Variants in SLIT1 observed in about 807,000 individuals in gnomAD.
SLIT1 encodes slit guidance ligand 1, also known as slit homolog 1 protein.
SLIT1 carries 66 observed loss-of-function variants against 186.1 expected under a neutral mutation model. The ratio of observed to expected loss-of-function variants is 0.35; its 90% CI spans 0.29 to 0.44. The LOEUF (loss-of-function observed/expected upper bound fraction) is 0.44. SLIT1 is among the 20% of genes least tolerant of loss of function. SLIT1 has a pLI of 1.00. For synonymous variants in SLIT1, 761 were observed against 833.8 expected, an observed-to-expected ratio of 0.91 and a Z score of 1.50; for missense variants, 1,638 against 2,037.4, an observed-to-expected ratio of 0.80 and a Z score of 3.77.
intron 21 of SLIT1, 22 bp from the exon 22 acceptor site, chr10:97,037,788 G>T (rs375198193): frequency 1.3e-6 from 2 of 1,588,472 alleles, no homozygotes; most frequent in East Asian, 4.5e-5. Context: ...ACACAGCGGC[G>T]TTAGTGCCCA....
At chr10:97,139,066 T>A (rs1849732348) in intron 4 of SLIT1, among the ~76,000 whole-genome samples, 1 of 152,112 alleles carries the variant, frequency 6.6e-6, no homozygotes, top group Non-Finnish European at 1.5e-5. Flanking sequence ...GTTGGTCGGG[T>A]GAATGAATGC....
At chr10:97,088,430 A>C (rs1849191367) in intron 4 of SLIT1, among the ~76,000 whole-genome samples, 2 of 152,136 alleles carry the variant, frequency 1.3e-5, no homozygotes, top group South Asian at 2.1e-4. Flanking sequence ...TGACAGCCCT[A>C]ATTTCTATGT....
chr10:97,175,576 G>A (rs1850245938), intron 1 of SLIT1, among the ~76,000 whole-genome samples: 1 of 152,118 alleles, frequency 6.6e-6, no homozygotes, highest in Non-Finnish European at 1.5e-5. Flanking sequence ...ATCCGAGTGG[G>A]TGTGAGGTAG....
intron 4 of SLIT1, among the ~76,000 whole-genome samples, chr10:97,147,942 G>C (rs1849835844): frequency 6.6e-6 from 1 of 152,122 alleles, no homozygotes; most frequent in East Asian, 1.9e-4. Context: ...TCGATACCTT[G>C]AAACCCACCT....
In SLIT1 at chr10:97,104,019, C is replaced by G. The variant is rs367753425; in HGVS notation, c.414-37933G>C. Among the ~76,000 whole-genome samples, 268 of 152,214 alleles carry G rather than the reference C, an allele frequency of 1.8e-3. 2 individuals are homozygous for G. Among genetic ancestry groups the G allele is most frequent in the African/African-American group, 5.4e-3 (225 of 41,512 alleles). ...CCTTGTTCCTGCGGCGGGGATACAGCAAGGAACACAGCCCTGCCCCGTGGA... is the reference window on the plus strand; with the variant it reads ...CCTTGTTCCTGCGGCGGGGATACAGGAAGGAACACAGCCCTGCCCCGTGGA... On this transcript the variant is annotated intron_variant, in intron 4 of 36. Coordinates refer to ENST00000266058, the MANE Select transcript of SLIT1 (RefSeq NM_003061.3).
At chr10:97,023,840 G>T (rs1848522132) in intron 25 of SLIT1, among the ~76,000 whole-genome samples, 1 of 152,202 alleles carries the variant, frequency 6.6e-6, no homozygotes. Flanking sequence ...CTACTCGGAA[G>T]GCTGAGGCAG....
intron 4 of SLIT1, among the ~76,000 whole-genome samples, chr10:97,148,846 T>C (rs1405973818): frequency 1.3e-5 from 2 of 152,254 alleles, no homozygotes; most frequent in African/African-American, 4.8e-5. Context: ...CTAAAAGTTA[T>C]TCACAAGAGC....
rs1303019643 is a variant in SLIT1, at chr10:96,999,932, T to C, written c.*1180A>G. ...ATACTTTTGATGTGATCAATGTAGATAGATAGATAGATAGATAGGTCTTCT... is the reference window on the plus strand; with the variant it reads ...ATACTTTTGATGTGATCAATGTAGACAGATAGATAGATAGATAGGTCTTCT... On this transcript the variant is annotated 3_prime_UTR_variant, in exon 37 of 37. Coordinates refer to ENST00000266058, the MANE Select transcript of SLIT1 (RefSeq NM_003061.3). The C allele has an allele frequency of 1.4e-5, 2 of 148,066 alleles. No individual in the cohort carries two copies. Among genetic ancestry groups the C allele is most frequent in the African/African-American group, 4.9e-5 (2 of 40,480 alleles). 9.2% of individuals were successfully genotyped at this position (148,066 alleles called of 1,614,324 possible).
At chr10:97,007,803 G>A (rs1306641595) in intron 31 of SLIT1, among the ~76,000 whole-genome samples, 1 of 152,094 alleles carries the variant, frequency 6.6e-6, no homozygotes, top group Non-Finnish European at 1.5e-5. Context: ...ACCTGATAAA[G>A]GGCACCTACA....
chr10:97,126,758 C>G (rs1849606804), intron 4 of SLIT1, among the ~76,000 whole-genome samples: 2 of 152,176 alleles, frequency 1.3e-5, no homozygotes, highest in African/African-American at 4.8e-5. Context: ...GTCCTGAGAG[C>G]TCACAGGCTG....
rs534921620 is a variant in SLIT1 at position 97,035,537 on chromosome 10, C to G, written c.2367-995G>C. Among the ~76,000 whole-genome samples the G allele has an allele frequency of 8.5e-5, 13 of 152,386 alleles. No homozygotes were observed. In the South Asian group the frequency reaches 2.7e-3, roughly 32 times the overall value. ...GTCACCTCTCGCACCGTGCCCTCCT[C>G]CTGAGCCAGCGTCCTCTCTCTCTGG... is the stretch of plus-strand genomic sequence containing the variant. On this transcript the variant is annotated intron_variant, in intron 22 of 36. Transcript: ENST00000266058.
Position 97,063,079 on chromosome 10 carries a change from C to A in SLIT1, c.793+376G>T, listed in dbSNP as rs978107413. On this transcript the variant is annotated intron_variant, in intron 8 of 36. Transcript: ENST00000266058. ...GGAGCCCAGAGGACATCGGAGGAGG[C>A]ACTGAGTAGACCAGAAAGAGATCGG... Among the ~76,000 whole-genome samples, 127 of 152,220 alleles carry A rather than the reference C, an allele frequency of 8.3e-4. 1 individual carries two copies. Among genetic ancestry groups the A allele is most frequent in the African/African-American group, 3.1e-3 (127 of 41,514 alleles).
chr10:97,006,780 C>G lies in SLIT1; in HGVS notation c.3342-60G>C. On this transcript the variant is annotated intron_variant, in intron 31 of 36. Transcript: ENST00000266058. The surrounding 1 kb of genome is among the most constrained non-coding windows in gnomAD (Gnocchi z 4.0). The stretch of plus-strand genomic sequence containing the variant: ...GGAGGAAGGGAGTATCTTCCTCTCC[C>G]ACAGCCCTGGAGAGAAATTCACTAA... 1 of 1,142,108 alleles carries G rather than the reference C, an allele frequency of 8.8e-7. No individual in the cohort carries two copies. The allele number at this position is 1,142,108 out of a possible 1,614,324, so 70.7% of individuals were successfully genotyped here.
At chr10:97,063,415 G>A (rs1430595483) in intron 8 of SLIT1, 40 bp downstream of exon 8, 1 of 1,606,370 alleles carries the variant, frequency 6.2e-7, no homozygotes, top group Non-Finnish European at 8.5e-7. Flanking sequence ...AGGGCAGGAG[G>A]CGCCGGACAG....
At chr10:97,131,719 A>G (rs1849656099) in intron 4 of SLIT1, among the ~76,000 whole-genome samples, 1 of 152,218 alleles carries the variant, frequency 6.6e-6, no homozygotes, top group Non-Finnish European at 1.5e-5. Context: ...TCTGCATTTT[A>G]CTACTTAATG....
Position 97,013,730 on chromosome 10 carries a change from G to A in SLIT1, c.3203+11C>T, listed in dbSNP as rs113254457. 8.4e-6 allele frequency: 13 copies of A among 1,547,412 alleles called. No individual in the cohort carries two copies. The highest frequency in any genetic ancestry group is 8.2e-5 in the African/African-American group (6 of 73,092). On this transcript the variant is annotated intron_variant, in intron 30 of 36. Transcript: ENST00000266058. ...AGCTCCTCCCTGGCCCTGGAAAGGG[G>A]CAACACTCACCTGGGCCCATCCGGG...
At chr10:97,137,747 A>T (rs1312685886) in intron 4 of SLIT1, among the ~76,000 whole-genome samples, 1 of 152,022 alleles carries the variant, frequency 6.6e-6, no homozygotes, top group Non-Finnish European at 1.5e-5. Context: ...CACCATCCCC[A>T]GCTAATTTTT....
intron 1 of SLIT1, among the ~76,000 whole-genome samples, chr10:97,179,751 G>A (rs575162436): frequency 9.3e-4 from 141 of 152,206 alleles, no homozygotes; most frequent in African/African-American, 3.3e-3. Context: ...AGAAAGGAGA[G>A]GAGGGGGTCA....
chr10:97,043,973 C>T lies in SLIT1; in HGVS notation c.1854-460G>A, dbSNP rs1238834894. Among the ~76,000 whole-genome samples the T allele has an allele frequency of 6.6e-6, 1 of 152,200 alleles. No homozygotes were observed. Among genetic ancestry groups the T allele is most frequent in the South Asian group, 2.1e-4 (1 of 4,826 alleles). ...ACCTGAGACCATGTCTACCCAGACC[C>T]GGACCATCTCAGCCCTGGCACCTGC... On this transcript the variant is annotated intron_variant, in intron 18 of 36. Transcript: ENST00000266058. This position sits in a 1 kb window ranked among gnomAD's most constrained non-coding sequence, Gnocchi z 7.0.
Sources: allele counts gnomAD v4.1 joint callset (sites outside exome capture counted in the v4.1 genomes callset), GRCh38; gene constraint gnomAD v4.1.1; non-coding constraint Gnocchi (gnomAD v3.1); transcripts MANE v1.5; gene names NCBI Gene and HGNC (gene_info 2026-07-23, HGNC 2026-07-21).